Variants in HBS1L observed in about 807,000 individuals in gnomAD.
HBS1L encodes HBS1-like protein.
A neutral mutation model predicts 88.9 loss-of-function variants in HBS1L; 55 were observed. That is an observed-to-expected ratio of 0.62 (90% CI 0.50 to 0.77). HBS1L has a LOEUF of 0.77. HBS1L is among the 30% of genes least tolerant of loss of function. The probability of loss-of-function intolerance (pLI) is 0.00; values close to 1 mark genes in which losing one functional copy is unlikely to be tolerated. For synonymous variants in HBS1L, 267 were observed against 288.5 expected, an observed-to-expected ratio of 0.93 and a Z score of 0.76; for missense variants, 741 against 829.3, an observed-to-expected ratio of 0.89 and a Z score of 1.31.
chr6:134,984,279 G>C (rs971142319), intron 12 of HBS1L, among the ~76,000 whole-genome samples: 1 of 152,144 alleles, frequency 6.6e-6, no homozygotes, highest in Admixed American at 6.5e-5. Flanking sequence ...TTTTTTCAAA[G>C]CACCTTCATT....
chr6:135,034,896 T>G (rs531106710), intron 4 of HBS1L, among the ~76,000 whole-genome samples: 1 of 152,318 alleles, frequency 6.6e-6, no homozygotes, highest in South Asian at 2.1e-4. Flanking sequence ...GGGAATAATT[T>G]TGAAAATACA....
chr6:135,031,351 C>G (rs572294335), intron 4 of HBS1L, among the ~76,000 whole-genome samples: 27 of 152,072 alleles, frequency 1.8e-4, no homozygotes, highest in Non-Finnish European at 3.8e-4. Flanking sequence ...GTTCAGTATT[C>G]ATTAATTCAG....
rs1190520451 is a variant in HBS1L at position 134,961,897 on chromosome 6, T to C, written c.*3382A>G. The C allele has an allele frequency of 6.6e-6, 1 of 152,198 alleles. No individual in the cohort carries two copies. The highest frequency in any genetic ancestry group is 1.5e-5 in the Non-Finnish European group (1 of 68,034). The allele number at this position is 152,198 out of a possible 1,614,324, so 9.4% of individuals were successfully genotyped here. On this transcript the variant is annotated 3_prime_UTR_variant, in exon 18 of 18. Coordinates refer to ENST00000367837, the MANE Select transcript of HBS1L (RefSeq NM_006620.4). ...GATCTTTGATGACATCAACAAATGA[T>C]GAGCATCAACAAATGTTTGCCGCAG... is the stretch of plus-strand genomic sequence containing the variant.
intron 3 of HBS1L, among the ~76,000 whole-genome samples, chr6:135,041,745 G>GA (rs567637597): frequency 6.6e-6 from 1 of 151,912 alleles, no homozygotes; most frequent in Admixed American, 6.6e-5. Flanking sequence ...CTCTCCCATG[G>GA]AAAAAAATTT....
chr6:135,035,070 T>C (rs1270268701), intron 4 of HBS1L, among the ~76,000 whole-genome samples: 2 of 152,196 alleles, frequency 1.3e-5, no homozygotes, highest in African/African-American at 4.8e-5. Context: ...AAAGCTTCTA[T>C]TGATCCTGCA....
chr6:135,006,094 G>A (rs1775602994), intron 4 of HBS1L, among the ~76,000 whole-genome samples: 1 of 152,134 alleles, frequency 6.6e-6, no homozygotes, highest in Non-Finnish European at 1.5e-5. Flanking sequence ...CACGAAAAAG[G>A]CACAGAGAAG....
chr6:135,037,478 T>C, intron 4 of HBS1L: 1 of 1,549,008 alleles, frequency 6.5e-7, no homozygotes, highest in Non-Finnish European at 8.7e-7. Flanking sequence ...AACGAGCTAG[T>C]TAAGTACAAA....
chr6:135,001,480 CCCCT>C (rs1374508295), intron 5 of HBS1L, among the ~76,000 whole-genome samples: 1 of 149,186 alleles, frequency 6.7e-6, no homozygotes, highest in Non-Finnish European at 1.5e-5. Context: ...ATTTATTTCC[CCCCT>C]CTCTCTCTCT....
chr6:134,991,970 G>A (rs955841949), intron 8 of HBS1L, among the ~76,000 whole-genome samples: 2 of 152,070 alleles, frequency 1.3e-5, no homozygotes, highest in Non-Finnish European at 2.9e-5. Context: ...CAGGAGGCTG[G>A]GGTGAGAGGA....
chr6:135,049,870 C>T (rs1777026319), intron 2 of HBS1L, among the ~76,000 whole-genome samples: 1 of 152,252 alleles, frequency 6.6e-6, no homozygotes, highest in Non-Finnish European at 1.5e-5. Flanking sequence ...TCGTACCTGG[C>T]CTACACCATA....
At position 135,041,492 on chromosome 6, in the gene HBS1L, A is replaced by G. The variant is rs1776734672; in HGVS notation, c.235+509T>C. On this transcript the variant is annotated intron_variant, in intron 3 of 17. Coordinates refer to ENST00000367837, the MANE Select transcript of HBS1L (RefSeq NM_006620.4). ...AAAACTCAGAACCGATGTCATTACC[A>G]AGTTCTATCTTGAAACTTAATTCAC... 5.3e-5 allele frequency among the ~76,000 whole-genome samples: 8 copies of G among 152,238 alleles called. No individual in the cohort carries two copies. In the South Asian group the frequency reaches 1.7e-3, roughly 32 times the overall value.
At position 135,042,084 on chromosome 6, in the gene HBS1L, T is replaced by C. The variant is rs1776756531; in HGVS notation, c.152A>G (p.Glu51Gly). The C allele has an allele frequency of 6.2e-7, 1 of 1,613,038 alleles. No homozygotes were observed. Among genetic ancestry groups the C allele is most frequent in the South Asian group, 1.1e-5 (1 of 91,008 alleles). ...IYSRRDKPSV[E>G]PVEEYDYEDL... ...TTCATAATCATATTCTTCCACAGGC[T>C]CAACGGAAGGTTTGTCACGCCGTGA... The change falls in exon 3 of 18, where the codon GAG (glutamate) becomes GGG (glycine). Residue 51 changes from glutamate (E) to glycine (G), a missense_variant. Glu to Gly is a moderately conservative substitution (Grantham distance 98). Around this residue, in one of 3 missense-constraint regions of HBS1L, gnomAD observed 556 missense variants for 598.4 expected, o/e 0.93. Coordinates refer to ENST00000367837, the MANE Select transcript of HBS1L (RefSeq NM_006620.4).
intron 5 of HBS1L, among the ~76,000 whole-genome samples, chr6:134,998,545 G>A (rs915669002): frequency 2.0e-5 from 3 of 152,196 alleles, no homozygotes; most frequent in African/African-American, 4.8e-5. Context: ...TATTAAGAAT[G>A]AAACCAATTA....
At chr6:134,996,149 A>G (rs1775282480) in intron 7 of HBS1L, among the ~76,000 whole-genome samples, 1 of 152,104 alleles carries the variant, frequency 6.6e-6, no homozygotes, top group South Asian at 2.1e-4. Context: ...TGGCTCTCCT[A>G]CCCTAGCTAC....
At chr6:135,021,224 C>T (rs1268449007) in intron 4 of HBS1L, among the ~76,000 whole-genome samples, 1 of 152,026 alleles carries the variant, frequency 6.6e-6, no homozygotes, top group Admixed American at 6.5e-5. Context: ...GTAAAGTACT[C>T]ATTAATATTG....
At chr6:135,011,795 A>C (rs1775781898) in intron 4 of HBS1L, among the ~76,000 whole-genome samples, 1 of 151,514 alleles carries the variant, frequency 6.6e-6, no homozygotes, top group Non-Finnish European at 1.5e-5. Context: ...AATCTCAGCT[A>C]CTCGGGAGGC....
intron 4 of HBS1L, chr6:135,037,145 A>G (rs757474039): frequency 6.6e-5 from 103 of 1,551,590 alleles, no homozygotes; most frequent in Non-Finnish European, 8.5e-5. Flanking sequence ...TGAAATGCCA[A>G]TGACGACAGA....
At chr6:134,998,871 C>T (rs1317309074) in intron 5 of HBS1L, among the ~76,000 whole-genome samples, 1 of 152,192 alleles carries the variant, frequency 6.6e-6, no homozygotes, top group Non-Finnish European at 1.5e-5. Context: ...TTGAGCACTG[C>T]TTAGACAGAT....
chr6:134,965,362 A>C (rs1774282519), intron 17 of HBS1L, 72 bp from the exon 18 acceptor site: 1 of 1,048,558 alleles, frequency 9.5e-7, no homozygotes, highest in Admixed American at 2.2e-5. Flanking sequence ...ACAAAGGGAA[A>C]ATTATGGTGA....
Sources: gnomAD v4.1 joint callset for allele counts (sites outside exome capture counted in the v4.1 genomes callset) on GRCh38, gnomAD v4.1.1 for gene constraint, gnomAD v4.1.1 regional missense constraint, MANE v1.5 for transcripts, NCBI Gene and HGNC (gene_info 2026-07-23, HGNC 2026-07-21) for gene names.